The following TADA3 variants were observed in gnomAD, a reference collection of about 807,000 sequenced individuals.
TADA3 encodes transcriptional adapter 3.
Under a neutral mutation model 43.2 loss-of-function variants are expected in TADA3, and 25 were observed. The ratio of observed to expected loss-of-function variants is 0.58; its 90% CI spans 0.42 to 0.81. The LOEUF (loss-of-function observed/expected upper bound fraction) is 0.81, where lower values mean the gene tolerates loss of function less well. Ranked by LOEUF, TADA3 falls within the 30% of genes least tolerant of loss-of-function variation. TADA3 has a pLI of 0.00. For synonymous variants in TADA3, 235 were observed against 225.5 expected (o/e 1.04, Z -0.38); for missense variants, 441 against 567.8 (o/e 0.78, Z 2.27).
At chr3:9,782,133 C>T (rs2078483657) in intron 8 of TADA3, among the ~76,000 whole-genome samples, 1 of 152,176 alleles carries the variant, frequency 6.6e-6, no homozygotes, top group Non-Finnish European at 1.5e-5. Flanking sequence ...CCACCAGGCC[C>T]AGCTAGGGCC....
Position 9,780,552 on chromosome 3 carries a change from G to C in TADA3, c.1107-3C>G. ...GGCTCACCTCCTCCTTTGCCAGCCT[G>C]TGGGGACCAGCCAGCCAGGTGCCAG... On this transcript the variant is annotated splice_region_variant and splice_polypyrimidine_tract_variant and intron_variant, in intron 8 of 8. Coordinates refer to ENST00000301964, the MANE Select transcript of TADA3 (RefSeq NM_006354.5). 3.8e-6 allele frequency: 6 copies of C among 1,599,750 alleles called. No individual in the cohort carries two copies. The highest frequency in any genetic ancestry group is 5.1e-6 in the Non-Finnish European group (6 of 1,178,930).
chr3:9,792,910 G>T (rs113229583), upstream of TADA3: 246 of 1,398,062 alleles, frequency 1.8e-4, no homozygotes, highest in Middle Eastern at 2.1e-3. Flanking sequence ...ATAGTGACTC[G>T]AGTGCAAGAA....
chr3:9,787,309 C>G lies in TADA3; in HGVS notation c.596G>C (p.Arg199Pro). Residue 199 changes from arginine (R) to proline (P), a missense_variant, in exon 5 of 9, where the codon CGC (arginine) becomes CCC (proline). Physicochemically the swap from Arg to Pro is moderately radical, Grantham distance 103. Coordinates refer to ENST00000301964, the MANE Select transcript of TADA3 (RefSeq NM_006354.5). ...CTCCAGCAGGTCCTCCTGGGCCCAG[C>G]GCTGGGAGTAGTGCTTCCCCAGGGG... is the stretch of plus-strand genomic sequence containing the variant. ...IPPLGKHYSQ[R>P]WAQEDLLEEQ... is the part of the protein sequence containing the mutation. 6.2e-7 allele frequency: 1 copy of G among 1,613,598 alleles called. No homozygotes were observed. Among genetic ancestry groups the G allele is most frequent in the Non-Finnish European group, 8.5e-7 (1 of 1,179,786 alleles).
At position 9,780,443 on chromosome 3, in the gene TADA3, T is replaced by G; in HGVS notation, c.1213A>C (p.Lys405Gln). The G allele has an allele frequency of 6.2e-7, 1 of 1,611,634 alleles. No homozygotes were observed. Among genetic ancestry groups the G allele is most frequent in the Non-Finnish European group, 8.5e-7 (1 of 1,179,522 alleles). The change falls in exon 9 of 9, where the codon AAG becomes CAG. Residue 405 changes from lysine to glutamine, a missense_variant. By Grantham distance (53) the Lys-to-Gln change is moderately conservative. Coordinates refer to ENST00000301964, the MANE Select transcript of TADA3 (RefSeq NM_006354.5). ...TTTTCTTTCTTGGTGGGAGTCCGCT[T>G]CTTCTGCCGGGCAGCCATGATCTTG... Reference protein sequence around the residue: ...FRKIMAARQKKRTPTKKEKDQ... With the variant: ...FRKIMAARQKQRTPTKKEKDQ...
At position 9,791,349 on chromosome 3, in the gene TADA3, T is replaced by G. The variant is rs2078728020; in HGVS notation, c.118A>C (p.Ile40Leu). ...AGCTGCAGGGTGTCCAGCTCCTCGA[T>G]GCCGATGCCATCATCCTCAGAGCGT... Reference protein sequence around the residue: ...LARSEDDGIGIEELDTLQLEL... With the variant: ...LARSEDDGIGLEELDTLQLEL... The change falls in exon 2 of 9, where the codon ATC (isoleucine) becomes CTC (leucine). Residue 40 changes from isoleucine (I) to leucine (L), a missense_variant. Physicochemically the swap from Ile to Leu is conservative, Grantham distance 5. Transcript: ENST00000301964. 1 of 1,614,114 alleles carries G rather than the reference T, an allele frequency of 6.2e-7. No homozygotes were observed. The highest frequency in any genetic ancestry group is 1.1e-5 in the South Asian group (1 of 91,092).
At chr3:9,785,494 AC>A in intron 6 of TADA3, 69 bp from the exon 7 acceptor site, 1 of 1,050,798 alleles carries the variant, frequency 9.5e-7, no homozygotes, top group South Asian at 1.4e-5. Context: ...TCTGACCTAC[AC>A]TGACAGTCTT....
chr3:9,780,614 C>T (rs2078437296), intron 8 of TADA3, 65 bp from the exon 9 acceptor site: 25 of 1,497,092 alleles, frequency 1.7e-5, no homozygotes, highest in Middle Eastern at 2.4e-4. Flanking sequence ...CCTCCCTCTT[C>T]AAGACCGAGC....
In TADA3 at chr3:9,780,396, C is replaced by G; in HGVS notation, c.1260G>C (p.Leu420=). 1 of 1,613,706 alleles carries G rather than the reference C, an allele frequency of 6.2e-7. No homozygotes were observed. Among genetic ancestry groups the G allele is most frequent in the Non-Finnish European group, 8.5e-7 (1 of 1,179,972 alleles). ...KKEKDQAWKT[L]KERESILKLL... ...GCTTCAGGATGCTCTCACGCTCCTT[C>G]AGAGTCTTCCAGGCCTGGTCCTTTT... Residue 420 remains leucine, a synonymous_variant, in exon 9 of 9, where the codon CTG becomes CTC. Coordinates refer to ENST00000301964, the MANE Select transcript of TADA3 (RefSeq NM_006354.5).
chr3:9,787,802 T>A (rs1575305344), intron 4 of TADA3: 2 of 984,016 alleles, frequency 2.0e-6, no homozygotes, highest in East Asian at 1.2e-4. Flanking sequence ...AAGGAGAGAC[T>A]GACTAACTTT....
rs142136289 is a variant in TADA3 at position 9,787,218 on chromosome 3, C to T, written c.687G>A (p.Leu229=). 4.4e-5 allele frequency: 71 copies of T among 1,614,178 alleles called. No individual in the cohort carries two copies. The Admixed American group carries it at 9.5e-4, about 22-fold the overall frequency. The change falls in exon 5 of 9, where the codon CTG becomes CTA. Residue 229 remains leucine, a synonymous_variant. Coordinates refer to ENST00000301964, the MANE Select transcript of TADA3 (RefSeq NM_006354.5). The part of the protein sequence containing the change: ...ADKKKGLMGP[L]TELDTKDVDA... ...GCCTACCTTTAGTGTCCAGTTCGGT[C>T]AGTGGCCCCATGAGGCCTTTCTTCT...
intron 8 of TADA3, among the ~76,000 whole-genome samples, chr3:9,781,833 CTTTTT>C (rs35246642): frequency 1.0e-4 from 9 of 86,868 alleles, no homozygotes; most frequent in African/African-American, 3.0e-4. Context: ...CCCATTACTT[CTTTTT>C]TTTTTTTTTT....
chr3:9,790,526 A>G (rs1026555864), intron 2 of TADA3, among the ~76,000 whole-genome samples: 3 of 152,176 alleles, frequency 2.0e-5, no homozygotes, highest in Admixed American at 1.3e-4. Context: ...CTTCAACTAG[A>G]CCATAAGCTA....
At chr3:9,792,514 A>C (rs901116165), upstream of TADA3, 2 of 1,216,130 alleles carry the variant, frequency 1.6e-6, no homozygotes, top group Non-Finnish European at 2.0e-6. Flanking sequence ...GGGGGCGGGG[A>C]GTCAGCGAGG....
rs1242053357 is a variant in TADA3, at chr3:9,786,999, T to G, written c.810+7A>C. The G allele has an allele frequency of 1.9e-6, 3 of 1,612,952 alleles. No individual in the cohort carries two copies. The highest frequency in any genetic ancestry group is 2.5e-6 in the Non-Finnish European group (3 of 1,179,072). ...ATATGGTTCCTCTTTTGGGTTAGGC[T>G]GCTCACCTCCACCAGGGCCTGCAGG... is the stretch of plus-strand genomic sequence containing the variant. On this transcript the variant is annotated splice_region_variant and intron_variant, in intron 6 of 8. Coordinates refer to ENST00000301964, the MANE Select transcript of TADA3 (RefSeq NM_006354.5).
In TADA3 at chr3:9,792,358, G is replaced by C; in HGVS notation, c.-170C>G. On this transcript the variant is annotated 5_prime_UTR_variant, in exon 1 of 9. Coordinates refer to ENST00000301964, the MANE Select transcript of TADA3 (RefSeq NM_006354.5). Reference sequence around the variant, plus strand: ...CGCCTTCAGAGTCCTCGTTCTCTAGGGACACCCTAGTGCGACCCCCGCCCC... The same window carrying C: ...CGCCTTCAGAGTCCTCGTTCTCTAGCGACACCCTAGTGCGACCCCCGCCCC... 2.5e-6 allele frequency: 1 copy of C among 403,070 alleles called. No individual in the cohort carries two copies. Among genetic ancestry groups the C allele is most frequent in the South Asian group, 1.0e-4 (1 of 9,566 alleles). The allele number at this position is 403,070 out of a possible 1,614,324, so 25.0% of individuals were successfully genotyped here. A position where few individuals can be genotyped will look rare whatever the true frequency, so the allele number is the denominator to read the frequency against.
At position 9,791,450 on chromosome 3, in the gene TADA3, T is replaced by C. The variant is rs777052694; in HGVS notation, c.17A>G (p.Asp6Gly). The change falls in exon 2 of 9, where the codon GAC becomes GGC. Residue 6 changes from aspartate to glycine, a missense_variant. By Grantham distance (94) the Asp-to-Gly change is moderately conservative (BLOSUM62 -1). Transcript: ENST00000301964. MSELKDCPLQFHDFKS... is the reference protein window; with the variant it reads MSELKGCPLQFHDFKS... Reference sequence around the variant, plus strand: ...GAAGTCGTGGAACTGCAAGGGGCAGTCTTTCAACTCACTCATGGCCCAGGA... The same window carrying C: ...GAAGTCGTGGAACTGCAAGGGGCAGCCTTTCAACTCACTCATGGCCCAGGA... 6.2e-7 allele frequency: 1 copy of C among 1,611,946 alleles called. No homozygotes were observed. Among genetic ancestry groups the C allele is most frequent in the Non-Finnish European group, 8.5e-7 (1 of 1,178,454 alleles).
At chr3:9,789,482 A>G (rs2078688494) in intron 4 of TADA3, 27 bp downstream of exon 4, 1 of 1,596,908 alleles carries the variant, frequency 6.3e-7, no homozygotes, top group Admixed American at 1.7e-5. Flanking sequence ...GTTCCGCATC[A>G]TGTCTATCAA....
intron 8 of TADA3, among the ~76,000 whole-genome samples, chr3:9,782,264 T>A (rs969892005): frequency 6.6e-6 from 1 of 152,216 alleles, no homozygotes; most frequent in African/African-American, 2.4e-5. Flanking sequence ...AACAAACTAT[T>A]ATAGAAAGAG....
At chr3:9,790,814 G>A (rs1339354581) in intron 2 of TADA3, among the ~76,000 whole-genome samples, 1 of 152,184 alleles carries the variant, frequency 6.6e-6, no homozygotes, top group East Asian at 1.9e-4. Flanking sequence ...CTTTCTCAAA[G>A]TCACATAGCT....
Sources: gnomAD v4.1 joint callset for allele counts (sites outside exome capture counted in the v4.1 genomes callset) on GRCh38, gnomAD v4.1.1 for gene constraint, MANE v1.5 for transcripts, NCBI Gene and HGNC (gene_info 2026-07-23, HGNC 2026-07-21) for gene names.